The following PDK1 variants were observed in gnomAD, a reference collection of about 807,000 sequenced individuals.
The protein encoded by PDK1 is [Pyruvate dehydrogenase (acetyl-transferring)] kinase isozyme 1, mitochondrial.
PDK1 carries 39 observed loss-of-function variants against 54.2 expected under a neutral mutation model. The ratio of observed to expected loss-of-function variants is 0.72; its 90% CI spans 0.56 to 0.94. The LOEUF is 0.94. PDK1 is among the 40% of genes least tolerant of loss of function. The pLI is 0.00. For missense variants in PDK1, 552 were observed against 566.0 expected (o/e 0.98, Z 0.25); for synonymous variants, 221 against 207.1 (o/e 1.07, Z -0.58).
chr2:172,682,303 C>T, the PDK1 span, among the ~76,000 whole-genome samples: 1 of 152,178 alleles, frequency 6.6e-6, no homozygotes, highest in Non-Finnish European at 1.5e-5. Context: ...GATGAAGGCT[C>T]AGATGGTACT....
the PDK1 span, among the ~76,000 whole-genome samples, chr2:172,689,684 G>GA: frequency 6.6e-6 from 1 of 152,132 alleles, no homozygotes; most frequent in South Asian, 2.1e-4. Context: ...AGAGGCCTCA[G>GA]AAAAAATACC....
intron 3 of PDK1, among the ~76,000 whole-genome samples, chr2:172,563,445 G>A (rs1421237534): frequency 6.6e-6 from 1 of 152,200 alleles, no homozygotes; most frequent in Non-Finnish European, 1.5e-5. Flanking sequence ...TAAGTTAATA[G>A]TACTCAGGAT....
At chr2:172,637,203 T>C in the PDK1 span, among the ~76,000 whole-genome samples, 2,617 of 152,324 alleles carry the variant, frequency 0.017, 74 homozygotes, top group African/African-American at 0.059. Flanking sequence ...CCAAGTATTC[T>C]TTAGTTCCCA....
At chr2:172,624,734 C>T in the PDK1 span, among the ~76,000 whole-genome samples, 1 of 152,178 alleles carries the variant, frequency 6.6e-6, no homozygotes, top group East Asian at 1.9e-4. Context: ...CGTGGTGGCT[C>T]ATGCCCCTAA....
At chr2:172,636,371 G>C in the PDK1 span, among the ~76,000 whole-genome samples, 3 of 152,114 alleles carry the variant, frequency 2.0e-5, no homozygotes, top group Admixed American at 6.6e-5. Context: ...GGGAGAGAGA[G>C]GGGGAGGAAG....
At chr2:172,686,110 C>T in the PDK1 span, among the ~76,000 whole-genome samples, 1 of 152,144 alleles carries the variant, frequency 6.6e-6, no homozygotes, top group Non-Finnish European at 1.5e-5. Flanking sequence ...GAAACAGAGT[C>T]TAAGTAGGCC....
chr2:172,577,919 T>C (rs1425420759), intron 8 of PDK1, among the ~76,000 whole-genome samples: 1 of 152,234 alleles, frequency 6.6e-6, no homozygotes, highest in Non-Finnish European at 1.5e-5. Context: ...TTACTGGCAC[T>C]GTTTATTTCT....
chr2:172,570,908 T>C, intron 8 of PDK1, 84 bp downstream of exon 8: 1 of 744,772 alleles, frequency 1.3e-6, no homozygotes, highest in East Asian at 2.6e-5. Flanking sequence ...ACGCATAATT[T>C]CTAAAAGACA....
chr2:172,584,166 A>G (rs2149269631), intron 8 of PDK1, among the ~76,000 whole-genome samples: 1 of 152,312 alleles, frequency 6.6e-6, no homozygotes, highest in Admixed American at 6.5e-5. Flanking sequence ...ATGGAAATAC[A>G]AAGTAGTGGT....
chr2:172,620,164 TCAAA>T, the PDK1 span, among the ~76,000 whole-genome samples: 6 of 152,286 alleles, frequency 3.9e-5, no homozygotes, highest in Non-Finnish European at 7.4e-5. Context: ...AGGCCCTGTC[TCAAA>T]CAAGCAAAGC....
chr2:172,640,914 TTCCC>T, the PDK1 span, among the ~76,000 whole-genome samples: 4 of 142,544 alleles, frequency 2.8e-5, no homozygotes, highest in Admixed American at 7.0e-5. Context: ...CCCTCCTTCC[TTCCC>T]TCCCTTCCTT....
chr2:172,593,135 C>T, intron 10 of PDK1, 87 bp downstream of exon 10: 1 of 674,282 alleles, frequency 1.5e-6, no homozygotes, highest in Non-Finnish European at 2.6e-6. Flanking sequence ...TTTAACTCTA[C>T]CACATGCTGT....
rs1688310564 is a variant in PDK1 at position 172,556,209 on chromosome 2, G to A, written c.59G>A (p.Arg20His). ...TTGGCCGGCCCGGGCCCGGGGCTGC[G>A]CGCCGCCGGCTTCAGCCGCAGCTTC... ...AALAGPGPGL[R>H]AAGFSRSFSS... Residue 20 changes from arginine to histidine, a missense_variant, in exon 1 of 11, where the codon CGC (arginine) becomes CAC (histidine). Transcript: ENST00000282077. 2.8e-6 allele frequency: 4 copies of A among 1,417,588 alleles called. No individual in the cohort carries two copies. The highest frequency in any genetic ancestry group is 2.9e-5 in the South Asian group (2 of 67,956). 87.8% of individuals were successfully genotyped at this position (1,417,588 alleles called of 1,614,324 possible).
At chr2:172,702,370 G>A in the PDK1 span, among the ~76,000 whole-genome samples, 777 of 152,108 alleles carry the variant, frequency 5.1e-3, 5 homozygotes, top group African/African-American at 0.017. Context: ...CCAGCTACTC[G>A]GGAGGCTGGG....
the PDK1 span, among the ~76,000 whole-genome samples, chr2:172,706,487 C>T: frequency 1.3e-5 from 2 of 151,688 alleles, no homozygotes; most frequent in Admixed American, 1.3e-4. Context: ...TGCAGTGGCA[C>T]AATCTCGGCT....
the PDK1 span, among the ~76,000 whole-genome samples, chr2:172,676,881 C>T: frequency 6.6e-6 from 1 of 152,098 alleles, no homozygotes; most frequent in East Asian, 1.9e-4. Context: ...AAGAATTTGC[C>T]ATAGCCACCC....
intron 7 of PDK1, among the ~76,000 whole-genome samples, chr2:172,569,312 G>C (rs1689125100): frequency 6.6e-6 from 1 of 152,188 alleles, no homozygotes; most frequent in African/African-American, 2.4e-5. Flanking sequence ...TTTCTTGGGA[G>C]GGGGAGGTCA....
chr2:172,699,827 G>C, the PDK1 span, among the ~76,000 whole-genome samples: 6 of 151,866 alleles, frequency 4.0e-5, no homozygotes, highest in East Asian at 1.2e-3. Flanking sequence ...CAGGGTCACA[G>C]GACAACAGTG....
At chr2:172,556,384 T>C (rs2149170590) in intron 1 of PDK1, 38 bp downstream of exon 1, 1 of 1,354,392 alleles carries the variant, frequency 7.4e-7, no homozygotes, top group East Asian at 2.8e-5. Context: ...TTTTGCGCGG[T>C]CCCGGGCGGG....
Sources: allele counts gnomAD v4.1 joint callset (sites outside exome capture counted in the v4.1 genomes callset), GRCh38; gene constraint gnomAD v4.1.1; transcripts MANE v1.5; gene names NCBI Gene and HGNC (gene_info 2026-07-23, HGNC 2026-07-21).